The following PIWIL4 variants were observed in gnomAD, a reference collection of about 807,000 sequenced individuals.
PIWIL4 encodes the protein piwi like RNA-mediated gene silencing 4.
PIWIL4 carries 50 observed loss-of-function variants against 100.9 expected under a neutral mutation model. That is an observed-to-expected ratio of 0.50 (90% CI 0.39 to 0.63). The LOEUF (loss-of-function observed/expected upper bound fraction) is 0.63, where lower values mean the gene tolerates loss of function less well. PIWIL4 is among the 20% of genes least tolerant of loss of function. The probability of loss-of-function intolerance (pLI) is 0.00; values close to 1 mark genes in which losing one functional copy is unlikely to be tolerated. For missense variants in PIWIL4, 887 were observed against 1,043.3 expected (o/e 0.85, Z 2.06); for synonymous variants, 342 against 367.5 (o/e 0.93, Z 0.79).
chr11:94,602,052 T>G, intron 12 of PIWIL4, 73 bp downstream of exon 12: 2 of 1,387,084 alleles, frequency 1.4e-6, no homozygotes, highest in Non-Finnish European at 2.0e-6. Context: ...GGCAGATGTA[T>G]CAACAAAAGC....
intron 2 of PIWIL4, 108 bp from the exon 3 acceptor site, chr11:94,574,889 CTG>C: frequency 8.8e-7 from 1 of 1,132,624 alleles, no homozygotes. Flanking sequence ...TATGGGCAAA[CTG>C]TATTCAAAAC....
intron 11 of PIWIL4, among the ~76,000 whole-genome samples, chr11:94,601,055 G>T (rs1287925131): frequency 6.6e-6 from 1 of 150,532 alleles, no homozygotes; most frequent in Non-Finnish European, 1.5e-5. Context: ...ACAAGGTCCT[G>T]AGGCGACATG....
intron 8 of PIWIL4, among the ~76,000 whole-genome samples, chr11:94,589,983 CA>C (rs1351655127): frequency 6.6e-6 from 1 of 152,226 alleles, no homozygotes. Context: ...GCATTTGCAA[CA>C]GTTATCCTTA....
chr11:94,575,799 G>A (rs925826924), intron 3 of PIWIL4, among the ~76,000 whole-genome samples: 2 of 152,136 alleles, frequency 1.3e-5, no homozygotes, highest in African/African-American at 2.4e-5. Flanking sequence ...CATAACTGCA[G>A]CACTAATGGG....
chr11:94,619,700 A>C, intron 17 of PIWIL4, 60 bp from the exon 18 acceptor site: 1 of 1,495,704 alleles, frequency 6.7e-7, no homozygotes. Flanking sequence ...ATTACACAAA[A>C]ATAGAAAGCT....
intron 2 of PIWIL4, among the ~76,000 whole-genome samples, chr11:94,573,127 C>T (rs918347076): frequency 2.3e-4 from 35 of 152,248 alleles, no homozygotes; most frequent in African/African-American, 6.5e-4. Context: ...GTGATTTTTG[C>T]ACATTGATTT....
At chr11:94,597,281 T>A (rs1212618775) in intron 10 of PIWIL4, among the ~76,000 whole-genome samples, 1 of 152,200 alleles carries the variant, frequency 6.6e-6, no homozygotes, top group African/African-American at 2.4e-5. Context: ...GAAATTCACA[T>A]ATTCACAAAA....
At chr11:94,609,700 A>C (rs1211937552) in intron 15 of PIWIL4, among the ~76,000 whole-genome samples, 1 of 152,142 alleles carries the variant, frequency 6.6e-6, no homozygotes, top group East Asian at 1.9e-4. Flanking sequence ...TTTTTTCTGA[A>C]ATGGTCACCA....
intron 5 of PIWIL4, among the ~76,000 whole-genome samples, chr11:94,585,000 G>T (rs1591783938): frequency 6.6e-6 from 1 of 152,200 alleles, no homozygotes; most frequent in East Asian, 1.9e-4. Context: ...GGGAGGCGGA[G>T]GTTGCAGTGA....
intron 18 of PIWIL4, 41 bp from the exon 19 acceptor site, chr11:94,619,956 G>A (rs781132974): frequency 2.5e-6 from 4 of 1,613,928 alleles, no homozygotes; most frequent in African/African-American, 2.7e-5. Context: ...ACCTTATTCT[G>A]TTTGCCTTCT....
chr11:94,607,446 G>A lies in PIWIL4; in HGVS notation c.1646G>A (p.Cys549Tyr). ...TGCTGTTTTTGCTTTTAGGTAATGT[G>A]CATTCTGCCTTCTAATCAGAAGACC... ...YVDPDVQLVM[C>Y]ILPSNQKTYY... is the part of the protein sequence containing the mutation. The change falls in exon 14 of 20, where the codon TGC becomes TAC. Residue 549 changes from cysteine to tyrosine, a missense_variant. Coordinates refer to ENST00000299001, the MANE Select transcript of PIWIL4 (RefSeq NM_152431.3). 1 of 1,613,538 alleles carries A rather than the reference G, an allele frequency of 6.2e-7. No homozygotes were observed. Among genetic ancestry groups the A allele is most frequent in the Non-Finnish European group, 8.5e-7 (1 of 1,179,742 alleles).
At chr11:94,593,210 G>C (rs1948510323) in intron 8 of PIWIL4, among the ~76,000 whole-genome samples, 1 of 152,222 alleles carries the variant, frequency 6.6e-6, no homozygotes, top group Admixed American at 6.5e-5. Context: ...CTCTGAGTCA[G>C]TCCCAGTGAT....
chr11:94,604,131 C>A (rs578045877), intron 13 of PIWIL4, 75 bp downstream of exon 13: 5 of 876,052 alleles, frequency 5.7e-6, no homozygotes, highest in African/African-American at 5.4e-5. Context: ...TCTGAACATA[C>A]CCTCCCATGA....
At chr11:94,606,676 T>C (rs907396955) in intron 13 of PIWIL4, among the ~76,000 whole-genome samples, 1 of 151,864 alleles carries the variant, frequency 6.6e-6, no homozygotes, top group Non-Finnish European at 1.5e-5. Flanking sequence ...CTACTAAAAT[T>C]AGAAAAAATT....
intron 12 of PIWIL4, among the ~76,000 whole-genome samples, chr11:94,603,372 A>G (rs777758241): frequency 6.6e-6 from 1 of 152,178 alleles, no homozygotes; most frequent in African/African-American, 2.4e-5. Context: ...ACAAATTCCT[A>G]TGTGTGTGAG....
intron 12 of PIWIL4, among the ~76,000 whole-genome samples, chr11:94,603,565 T>C (rs902836804): frequency 4.6e-5 from 7 of 152,236 alleles, no homozygotes; most frequent in Non-Finnish European, 8.8e-5. Flanking sequence ...ATTAACCTGA[T>C]GTTTTCTGAA....
chr11:94,613,995 C>T (rs1159607466), intron 15 of PIWIL4, among the ~76,000 whole-genome samples: 1 of 152,136 alleles, frequency 6.6e-6, no homozygotes, highest in Admixed American at 6.5e-5. Context: ...AACTCCTAAC[C>T]TCCTGATCCA....
At chr11:94,584,808 T>A (rs1948376233) in intron 5 of PIWIL4, among the ~76,000 whole-genome samples, 1 of 152,146 alleles carries the variant, frequency 6.6e-6, no homozygotes, top group Non-Finnish European at 1.5e-5. Context: ...CTCACACCTG[T>A]AATCCCAGCA....
intron 2 of PIWIL4, among the ~76,000 whole-genome samples, chr11:94,570,827 G>A (rs529981658): frequency 5.9e-5 from 9 of 152,230 alleles, no homozygotes; most frequent in East Asian, 3.9e-4. Flanking sequence ...GGGAAGTGGC[G>A]GTTGCAGTAA....
Sources: gnomAD v4.1 joint callset for allele counts (sites outside exome capture counted in the v4.1 genomes callset) on GRCh38, gnomAD v4.1.1 for gene constraint, MANE v1.5 for transcripts, NCBI Gene and HGNC (gene_info 2026-07-23, HGNC 2026-07-21) for gene names.